Variants in ARHGAP28 observed in about 807,000 individuals in gnomAD.
ARHGAP28 encodes Rho GTPase activating protein 28, also known as rho GTPase-activating protein 28.
In ARHGAP28, 56 loss-of-function variants were observed where a neutral mutation model predicts 90.7. That is an observed-to-expected ratio of 0.62 (90% CI 0.50 to 0.77). ARHGAP28 has a LOEUF of 0.77. Among genes scored for constraint, ARHGAP28 ranks in the 30% least tolerant of loss-of-function variants. The pLI, the probability that ARHGAP28 is intolerant of heterozygous loss-of-function variation, is 0.00. For synonymous variants in ARHGAP28, 308 were observed against 323.3 expected (o/e 0.95, Z 0.51); for missense variants, 869 against 900.9 (o/e 0.96, Z 0.45).
At chr18:6,753,509 G>A (rs1464128627) in intron 1 of ARHGAP28, among the ~76,000 whole-genome samples, 1 of 152,156 alleles carries the variant, frequency 6.6e-6, no homozygotes, top group African/African-American at 2.4e-5. Context: ...TAGCATACAA[G>A]AAAGTTTCAG....
intron 12 of ARHGAP28, among the ~76,000 whole-genome samples, chr18:6,887,635 C>T (rs35853341): frequency 0.16 from 23,933 of 152,020 alleles, 2,289 homozygotes; most frequent in East Asian, 0.23. Context: ...GTTGCTCAGG[C>T]TGGTCTCCAA....
chr18:6,766,050 A>G (rs1600164171), intron 1 of ARHGAP28, among the ~76,000 whole-genome samples: 1 of 152,148 alleles, frequency 6.6e-6, no homozygotes, highest in South Asian at 2.1e-4. Flanking sequence ...TGTCTTGGGG[A>G]TGTTCCCTGG....
chr18:6,871,717 C>T (rs571336633), intron 7 of ARHGAP28, among the ~76,000 whole-genome samples: 4 of 152,104 alleles, frequency 2.6e-5, no homozygotes, highest in Non-Finnish European at 5.9e-5. Flanking sequence ...CAGGCAGTTT[C>T]AGAGCTAAAA....
chr18:6,794,463 G>A (rs572967854), intron 1 of ARHGAP28, among the ~76,000 whole-genome samples: 26 of 152,294 alleles, frequency 1.7e-4, no homozygotes, highest in Non-Finnish European at 2.9e-4. Context: ...AGGAACTTGG[G>A]CCTCCCCTGG....
chr18:6,830,915 G>A (rs1178425103), intron 2 of ARHGAP28, among the ~76,000 whole-genome samples: 2 of 152,266 alleles, frequency 1.3e-5, no homozygotes, highest in Non-Finnish European at 2.9e-5. Flanking sequence ...GAGCAATCTT[G>A]TGAAAGTCTT....
At chr18:6,732,640 T>G (rs2055892436) in intron 1 of ARHGAP28, among the ~76,000 whole-genome samples, 1 of 152,206 alleles carries the variant, frequency 6.6e-6, no homozygotes, top group Non-Finnish European at 1.5e-5. Context: ...TTGAGGCAGT[T>G]TCTTTTAGGG....
chr18:6,751,032 C>T (rs1451827479), intron 1 of ARHGAP28, among the ~76,000 whole-genome samples: 1 of 152,122 alleles, frequency 6.6e-6, no homozygotes, highest in Non-Finnish European at 1.5e-5. Flanking sequence ...TACCCCTGCA[C>T]TGGACTGCAG....
At chr18:6,768,897 A>G (rs1037057286) in intron 1 of ARHGAP28, among the ~76,000 whole-genome samples, 2 of 152,100 alleles carry the variant, frequency 1.3e-5, no homozygotes, top group African/African-American at 4.8e-5. Context: ...CTCAGGCATC[A>G]CATCTTCTGT....
rs974483044 is a variant in ARHGAP28 at position 6,894,908 on chromosome 18, C to A, written c.1905+17C>A. On this transcript the variant is annotated intron_variant, in intron 15 of 17. Coordinates refer to ENST00000383472, the MANE Select transcript of ARHGAP28 (RefSeq NM_001366230.1). The stretch of plus-strand genomic sequence containing the variant: ...AGACGAATGGTAAGAAAAATAATTT[C>A]TTTTCCCTTCCATTAACTCCCTATA... 3.1e-6 allele frequency: 5 copies of A among 1,612,240 alleles called. No individual in the cohort carries two copies. Among genetic ancestry groups the A allele is most frequent in the Non-Finnish European group, 8.5e-7 (1 of 1,178,648 alleles).
chr18:6,767,291 C>T (rs984038856), intron 1 of ARHGAP28, among the ~76,000 whole-genome samples: 2 of 152,010 alleles, frequency 1.3e-5, no homozygotes, highest in Non-Finnish European at 2.9e-5. Flanking sequence ...TTATTTATTA[C>T]ATGTCATAAA....
At chr18:6,850,621 T>C (rs1437780597) in intron 3 of ARHGAP28, among the ~76,000 whole-genome samples, 1 of 152,168 alleles carries the variant, frequency 6.6e-6, no homozygotes, top group Non-Finnish European at 1.5e-5. Context: ...TCATCCACTT[T>C]CACAAGAAAA....
At chr18:6,746,907 A>T (rs1334629705) in intron 1 of ARHGAP28, among the ~76,000 whole-genome samples, 2 of 150,892 alleles carry the variant, frequency 1.3e-5, no homozygotes, top group African/African-American at 2.4e-5. Flanking sequence ...ACATTTGGCA[A>T]GTAGATTGAT....
At chr18:6,891,278 T>C (rs1037231351) in intron 14 of ARHGAP28, among the ~76,000 whole-genome samples, 2 of 151,808 alleles carry the variant, frequency 1.3e-5, no homozygotes, top group Admixed American at 6.6e-5. Context: ...CGTGGGAGAC[T>C]GTGGATGGCT....
At chr18:6,755,807 A>G (rs1243318926) in intron 1 of ARHGAP28, among the ~76,000 whole-genome samples, 1 of 152,248 alleles carries the variant, frequency 6.6e-6, no homozygotes, top group Non-Finnish European at 1.5e-5. Flanking sequence ...GCTGACCAGC[A>G]TTTGAGCAAT....
intron 1 of ARHGAP28, among the ~76,000 whole-genome samples, chr18:6,750,931 T>C (rs2056063798): frequency 6.6e-6 from 1 of 152,214 alleles, no homozygotes; most frequent in South Asian, 2.1e-4. Flanking sequence ...GATTATTTCC[T>C]TTATGCTACC....
chr18:6,882,354 G>A, intron 11 of ARHGAP28, 55 bp downstream of exon 11: 1 of 1,506,606 alleles, frequency 6.6e-7, no homozygotes, highest in Non-Finnish European at 9.0e-7. Flanking sequence ...AATAAAGTGA[G>A]AGCAGAAGAG....
intron 1 of ARHGAP28, among the ~76,000 whole-genome samples, chr18:6,736,766 CAG>C (rs2055932517): frequency 8.7e-6 from 1 of 115,348 alleles, no homozygotes; most frequent in African/African-American, 3.8e-5. Context: ...AAACAAAAAA[CAG>C]AAAGTTGCTA....
intron 5 of ARHGAP28, among the ~76,000 whole-genome samples, chr18:6,863,455 C>T (rs2057013571): frequency 2.0e-5 from 3 of 150,666 alleles, no homozygotes; most frequent in Non-Finnish European, 4.4e-5. Context: ...TGGATGAACC[C>T]AATTTATTGT....
chr18:6,877,646 T>C (rs2057142286), intron 10 of ARHGAP28, among the ~76,000 whole-genome samples: 1 of 152,170 alleles, frequency 6.6e-6, no homozygotes, highest in African/African-American at 2.4e-5. Context: ...GGCTGAATGC[T>C]GGCACAAGTT....
Sources: gnomAD v4.1 joint callset for allele counts (sites outside exome capture counted in the v4.1 genomes callset) on GRCh38, gnomAD v4.1.1 for gene constraint, MANE v1.5 for transcripts, NCBI Gene and HGNC (gene_info 2026-07-23, HGNC 2026-07-21) for gene names.